The following CSNK2A1 variants were observed in gnomAD, a reference collection of about 807,000 sequenced individuals.
CSNK2A1 encodes the protein casein kinase 2 alpha 1, also known as casein kinase II subunit alpha.
CSNK2A1 carries 10 observed loss-of-function variants against 62.9 expected under a neutral mutation model. That is an observed-to-expected ratio of 0.16 (90% CI 0.10 to 0.27). CSNK2A1 has a LOEUF of 0.27. Ranked by LOEUF, CSNK2A1 falls within the 10% of genes least tolerant of loss-of-function variation. The pLI, the probability that CSNK2A1 is intolerant of heterozygous loss-of-function variation, is 1.00. For synonymous variants in CSNK2A1, 124 were observed against 167.8 expected (o/e 0.74, Z 2.02); for missense variants, 160 against 492.0 (o/e 0.33, Z 6.38).
chr20:507,720 A>G (rs1380348229), intron 3 of CSNK2A1: 1 of 152,218 alleles, frequency 6.6e-6, no homozygotes, highest in Non-Finnish European at 1.5e-5. Flanking sequence ...TATTAACACG[A>G]AACAACATTC....
intron 2 of CSNK2A1, among the ~76,000 whole-genome samples, chr20:515,867 G>A (rs1159014436): frequency 1.3e-5 from 2 of 152,154 alleles, no homozygotes; most frequent in African/African-American, 2.4e-5. Context: ...CAGGTCATCT[G>A]GTACGCAACT....
Position 477,277 on chromosome 20 carries a change from C to A in CSNK2A1, c.*6684G>T, listed in dbSNP as rs1222987008. ...TGGCACAATCACACCTCACTGCAGC[C>A]TTGACTTCTTGGGCTCAGGCAATTA... On this transcript the variant is annotated 3_prime_UTR_variant, in exon 14 of 14. Coordinates refer to ENST00000217244, the MANE Select transcript of CSNK2A1 (RefSeq NM_177559.3). 1 of 152,456 alleles carries A rather than the reference C, an allele frequency of 6.6e-6. No homozygotes were observed. The highest frequency in any genetic ancestry group is 1.5e-5 in the Non-Finnish European group (1 of 68,118). The allele number at this position is 152,456 out of a possible 1,614,324, so 9.4% of individuals were successfully genotyped here. A position where few individuals can be genotyped will look rare whatever the true frequency, so the allele number is the denominator to read the frequency against.
chr20:509,785 C>A (rs2018677592), intron 2 of CSNK2A1, among the ~76,000 whole-genome samples: 1 of 152,192 alleles, frequency 6.6e-6, no homozygotes, highest in African/African-American at 2.4e-5. Context: ...CCATGTTGCC[C>A]AGGCTGGTCT....
At chr20:523,858 CAAAAAAAA>C (rs11401840) in intron 2 of CSNK2A1, among the ~76,000 whole-genome samples, 3 of 45,546 alleles carry the variant, frequency 6.6e-5, no homozygotes, top group Non-Finnish European at 1.3e-4. Flanking sequence ...GACTCCATCT[CAAAAAAAA>C]AAAAAAAAAA....
At position 478,828 on chromosome 20, in the gene CSNK2A1, G is replaced by A. The variant is rs542871071; in HGVS notation, c.*5133C>T. On this transcript the variant is annotated 3_prime_UTR_variant, in exon 14 of 14. Transcript: ENST00000217244. ...TCGTGCCTGTAGTCCCTGGAAGGCT[G>A]AGTTGGGAGGATCACCTGAGCCTGG... 4.6e-4 allele frequency: 126 copies of A among 275,792 alleles called. No individual in the cohort carries two copies. Among genetic ancestry groups the A allele is most frequent in the Non-Finnish European group, 7.5e-4 (105 of 139,164 alleles). The allele number at this position is 275,792 out of a possible 1,614,324, so 17.1% of individuals were successfully genotyped here.
intron 1 of CSNK2A1, among the ~76,000 whole-genome samples, chr20:532,859 G>C (rs1156769724): frequency 6.6e-6 from 1 of 152,106 alleles, no homozygotes; most frequent in Non-Finnish European, 1.5e-5. Flanking sequence ...GGAGGTCACT[G>C]ACACAAAAAA....
chr20:513,131 T>C (rs894262178), intron 2 of CSNK2A1, among the ~76,000 whole-genome samples: 3 of 152,244 alleles, frequency 2.0e-5, no homozygotes, highest in African/African-American at 7.2e-5. Context: ...TACTAAACTT[T>C]TAAATTCTCA....
At chr20:509,077 G>A (rs779866273) in intron 2 of CSNK2A1, among the ~76,000 whole-genome samples, 3 of 152,176 alleles carry the variant, frequency 2.0e-5, no homozygotes, top group Non-Finnish European at 4.4e-5. Flanking sequence ...CTAGAATGGC[G>A]GCAAAGCTAA....
At chr20:487,611 C>T (rs766424433) in intron 11 of CSNK2A1, 36 bp from the exon 12 acceptor site, 30 of 1,613,284 alleles carry the variant, frequency 1.9e-5, no homozygotes, top group East Asian at 4.5e-5. Flanking sequence ...AAATGGGCCA[C>T]GTGGGCACAG....
chr20:495,659 G>A, intron 8 of CSNK2A1, 60 bp downstream of exon 8: 4 of 1,444,766 alleles, frequency 2.8e-6, no homozygotes, highest in African/African-American at 1.4e-5. Context: ...ATAAAGTGTT[G>A]AAGATGGGCA....
chr20:489,338 G>C (rs149961032), intron 10 of CSNK2A1: 1 of 198,316 alleles, frequency 5.0e-6, no homozygotes, highest in African/African-American at 2.3e-5. Context: ...CCTTCCACAA[G>C]GTCCTAGAAT....
intron 3 of CSNK2A1, chr20:506,149 T>A (rs139241013): frequency 6.6e-6 from 1 of 152,284 alleles, no homozygotes; most frequent in Non-Finnish European, 1.5e-5. Context: ...GTGCTGGGAT[T>A]ACAGGCGTGA....
rs2018003937 is a variant in CSNK2A1 at position 483,799 on chromosome 20, T to C, written c.*162A>G. 1 of 448,764 alleles carries C rather than the reference T, an allele frequency of 2.2e-6. No individual in the cohort carries two copies. The highest frequency in any genetic ancestry group is 3.7e-5 in the East Asian group (1 of 27,354). The allele number at this position is 448,764 out of a possible 1,614,324, so 27.8% of individuals were successfully genotyped here. ...AAAAAGAAAAAAGAAAATCAGCCTA[T>C]TATAATTTTTTTTTTATGACTGAAC... is the stretch of plus-strand genomic sequence containing the variant. On this transcript the variant is annotated 3_prime_UTR_variant, in exon 14 of 14. Coordinates refer to ENST00000217244, the MANE Select transcript of CSNK2A1 (RefSeq NM_177559.3).
At chr20:489,709 A>G (rs2018176441) in intron 10 of CSNK2A1, 71 bp downstream of exon 10, 5 of 1,287,332 alleles carry the variant, frequency 3.9e-6, no homozygotes, top group Non-Finnish European at 5.4e-6. Flanking sequence ...CAGTGAACTG[A>G]AAGTTACAGG....
chr20:487,215 T>C (rs888938176), intron 12 of CSNK2A1: 8 of 645,328 alleles, frequency 1.2e-5, no homozygotes, highest in Non-Finnish European at 2.1e-5. Context: ...AAAGAGTTTA[T>C]TTAGGAATGC....
At chr20:534,079 A>T (rs2019264545) in intron 1 of CSNK2A1, among the ~76,000 whole-genome samples, 1 of 152,226 alleles carries the variant, frequency 6.6e-6, no homozygotes, top group Non-Finnish European at 1.5e-5. Context: ...TGTAATAACT[A>T]CTGTTACCAT....
intron 1 of CSNK2A1, 50 bp downstream of exon 1, chr20:543,622 C>T: frequency 2.5e-6 from 1 of 397,574 alleles, no homozygotes; most frequent in Non-Finnish European, 4.4e-6. Context: ...CTGCCCTATC[C>T]TGGGCCCACC....
chr20:516,625 T>A (rs1198589677), intron 2 of CSNK2A1, among the ~76,000 whole-genome samples: 1 of 152,222 alleles, frequency 6.6e-6, no homozygotes, highest in Non-Finnish European at 1.5e-5. Flanking sequence ...TATGTTCAGT[T>A]GTTATTTTTC....
rs199709718 is a variant in CSNK2A1 at position 499,958 on chromosome 20, C to CAA, written c.214-26_214-25dup. 900 of 1,269,554 alleles carry CAA rather than the reference C, an allele frequency of 7.1e-4. No individual in the cohort carries two copies. Among genetic ancestry groups the CAA allele is most frequent in the Non-Finnish European group, 8.1e-4 (756 of 937,088 alleles). The allele number at this position is 1,269,554 out of a possible 1,614,324, so 78.6% of individuals were successfully genotyped here. ...GGCTGAAAGGGGAAAAGTACATCAGCAAAAAAAAAAAAAAAAAATTTTTTC... is the reference window on the plus strand; with the variant it reads ...GGCTGAAAGGGGAAAAGTACATCAGCAAAAAAAAAAAAAAAAAAAATTTTTTC... On this transcript the variant is annotated intron_variant, in intron 4 of 13. Transcript: ENST00000217244. This position sits in a 1 kb window ranked among gnomAD's most constrained non-coding sequence, Gnocchi z 4.2.
Sources: gnomAD v4.1 joint callset for allele counts (sites outside exome capture counted in the v4.1 genomes callset) on GRCh38, gnomAD v4.1.1 for gene constraint, Gnocchi (gnomAD v3.1) non-coding constraint, MANE v1.5 for transcripts, NCBI Gene and HGNC (gene_info 2026-07-23, HGNC 2026-07-21) for gene names.